Variants in GRHL2 observed in about 807,000 individuals in gnomAD.
The protein encoded by GRHL2 is grainyhead-like protein 2 homolog.
A neutral mutation model predicts 83.8 loss-of-function variants in GRHL2; 21 were observed. The observed-to-expected ratio is 0.25, with a 90% CI of 0.18 to 0.36. The LOEUF (loss-of-function observed/expected upper bound fraction) is 0.36. GRHL2 is among the 10% of genes least tolerant of loss of function. The pLI is 1.00. For missense variants in GRHL2, 623 were observed against 781.8 expected (o/e 0.80, Z 2.42); for synonymous variants, 280 against 278.9 (o/e 1.00, Z -0.04).
chr8:101,556,754 T>G (rs958977877), intron 3 of GRHL2, among the ~76,000 whole-genome samples: 1 of 152,228 alleles, frequency 6.6e-6, no homozygotes, highest in African/African-American at 2.4e-5. Context: ...AATACTTGAA[T>G]GATAAATTCT....
chr8:101,536,540 T>C (rs1811048555), intron 1 of GRHL2, among the ~76,000 whole-genome samples: 1 of 152,200 alleles, frequency 6.6e-6, no homozygotes, highest in Non-Finnish European at 1.5e-5. Context: ...GTGAAGAAAC[T>C]GATACACAGA....
chr8:101,558,599 C>T lies in GRHL2; in HGVS notation c.465C>T (p.Ile155=), dbSNP rs1197589957. 6.2e-7 allele frequency: 1 copy of T among 1,614,164 alleles called. No homozygotes were observed. The highest frequency in any genetic ancestry group is 2.2e-5 in the East Asian group (1 of 44,886). ...ESSAIIPVSG[I]TVVKAEDFTP... ...CTGCCATCATCCCGGTGTCGGGAAT[C>T]ACGGTGGTGAAAGCTGAAGATTTCA... The change falls in exon 4 of 16, where the codon ATC becomes ATT. Residue 155 remains isoleucine (I), a synonymous_variant. Coordinates refer to ENST00000646743, the MANE Select transcript of GRHL2 (RefSeq NM_024915.4).
At chr8:101,603,651 G>A (rs1563602905) in intron 8 of GRHL2, among the ~76,000 whole-genome samples, 1 of 152,186 alleles carries the variant, frequency 6.6e-6, no homozygotes, top group Non-Finnish European at 1.5e-5. Context: ...CAGAACTATT[G>A]CAGAGTTCTT....
chr8:101,606,931 GA>G (rs1812644009), intron 8 of GRHL2, among the ~76,000 whole-genome samples: 1 of 152,210 alleles, frequency 6.6e-6, no homozygotes, highest in African/African-American at 2.4e-5. Context: ...CATAGCTTAT[GA>G]AAAAGGAGTA....
downstream of GRHL2, chr8:101,669,788 G>T (rs1206298726): frequency 6.6e-6 from 1 of 152,192 alleles, no homozygotes; most frequent in Non-Finnish European, 1.5e-5. Context: ...TTGGAGAGAG[G>T]TTTCCATGTG....
intron 1 of GRHL2, among the ~76,000 whole-genome samples, chr8:101,511,914 C>T (rs757508044): frequency 6.6e-6 from 1 of 152,136 alleles, no homozygotes; most frequent in Non-Finnish European, 1.5e-5. Flanking sequence ...AACTATTCTG[C>T]CAATGCCATT....
chr8:101,640,236 G>A (rs1189938102), intron 12 of GRHL2, among the ~76,000 whole-genome samples: 1 of 152,140 alleles, frequency 6.6e-6, no homozygotes, highest in Non-Finnish European at 1.5e-5. Context: ...TCTAAAAATA[G>A]CAGGATAATA....
At chr8:101,527,325 C>T (rs1158499244) in intron 1 of GRHL2, among the ~76,000 whole-genome samples, 3 of 152,142 alleles carry the variant, frequency 2.0e-5, no homozygotes, top group Non-Finnish European at 1.5e-5. Context: ...TCCTTACGTA[C>T]AAAGCAAAAT....
Position 101,669,706 on chromosome 8 carries a change from A to G in GRHL2, c.*3003A>G, listed in dbSNP as rs1323725909. ...ACATTTTTAAGGAGAAAAAATAAAT[A>G]TTCATAACATAAGAGTAAAACAACA... On this transcript the variant is annotated 3_prime_UTR_variant, in exon 16 of 16. Coordinates refer to ENST00000646743, the MANE Select transcript of GRHL2 (RefSeq NM_024915.4). The G allele has an allele frequency of 6.6e-6, 1 of 152,258 alleles. No individual in the cohort carries two copies. The highest frequency in any genetic ancestry group is 2.4e-5 in the African/African-American group (1 of 41,370). 9.4% of individuals were successfully genotyped at this position (152,258 alleles called of 1,614,324 possible).
At chr8:101,540,387 G>A (rs1450030763) in intron 1 of GRHL2, among the ~76,000 whole-genome samples, 1 of 152,170 alleles carries the variant, frequency 6.6e-6, no homozygotes, top group Non-Finnish European at 1.5e-5. Flanking sequence ...TAACAGTATG[G>A]TAGTAAGCCT....
chr8:101,579,544 G>A (rs937207208), intron 7 of GRHL2, among the ~76,000 whole-genome samples: 5 of 152,174 alleles, frequency 3.3e-5, no homozygotes, highest in Non-Finnish European at 7.3e-5. Context: ...TGAGAACAAG[G>A]CATTAAATCC....
intron 15 of GRHL2, 95 bp from the exon 16 acceptor site, chr8:101,666,494 A>G: frequency 1.3e-6 from 1 of 747,360 alleles, no homozygotes; most frequent in Non-Finnish European, 2.5e-6. Context: ...CCACAAAAGA[A>G]TGGCTACGAG....
At chr8:101,661,051 T>A (rs1001865718) in intron 14 of GRHL2, among the ~76,000 whole-genome samples, 2 of 152,260 alleles carry the variant, frequency 1.3e-5, no homozygotes, top group Admixed American at 1.3e-4. Flanking sequence ...ACCCACGGCC[T>A]GCAAGCTGCA....
chr8:101,520,794 G>A (rs1366017962), intron 1 of GRHL2, among the ~76,000 whole-genome samples: 1 of 152,124 alleles, frequency 6.6e-6, no homozygotes, highest in Admixed American at 6.5e-5. Flanking sequence ...TTATGGTCCA[G>A]CTATACTGCC....
intron 5 of GRHL2, 37 bp from the exon 6 acceptor site, chr8:101,573,631 G>C: frequency 1.2e-6 from 2 of 1,613,498 alleles, no homozygotes; most frequent in Non-Finnish European, 1.7e-6. Context: ...AAATGTCCAA[G>C]TGAGTGGATC....
At chr8:101,636,793 CT>C in intron 11 of GRHL2, 103 bp from the exon 12 acceptor site, 1 of 931,940 alleles carries the variant, frequency 1.1e-6, no homozygotes, top group South Asian at 1.3e-5. Flanking sequence ...AGTCTTTTGC[CT>C]TTTTAAGAGA....
At chr8:101,673,180 C>A (rs1466888802), downstream of GRHL2, among the ~76,000 whole-genome samples, 2 of 151,688 alleles carry the variant, frequency 1.3e-5, no homozygotes, top group Non-Finnish European at 2.9e-5. Context: ...ATCATAAGGA[C>A]AGGATCAAAT....
intron 1 of GRHL2, among the ~76,000 whole-genome samples, chr8:101,524,958 T>TC (rs1174895685): frequency 6.6e-6 from 1 of 152,100 alleles, no homozygotes; most frequent in Non-Finnish European, 1.5e-5. Flanking sequence ...ATCTTTTTTT[T>TC]TGAGATGGAG....
At position 101,512,126 on chromosome 8, in the gene GRHL2, T is replaced by TA. The variant is rs554176890; in HGVS notation, c.20+19344dup. Among the ~76,000 whole-genome samples the TA allele has an allele frequency of 1.1e-4, 17 of 152,220 alleles. No homozygotes were observed. In the South Asian group the frequency reaches 1.9e-3, roughly 17 times the overall value. On this transcript the variant is annotated intron_variant, in intron 1 of 15. Coordinates refer to ENST00000646743, the MANE Select transcript of GRHL2 (RefSeq NM_024915.4). ...GTTGTGCCATCTAATTAGTCTACTT[T>TA]AAAAAAATCTCTCTGGTTATTTTGC...
Sources: gnomAD v4.1 joint callset for allele counts (sites outside exome capture counted in the v4.1 genomes callset) on GRCh38, gnomAD v4.1.1 for gene constraint, MANE v1.5 for transcripts, NCBI Gene and HGNC (gene_info 2026-07-23, HGNC 2026-07-21) for gene names.